NR2F1-AS1: variants seen among roughly 807,000 people sequenced by gnomAD.
The protein encoded by NR2F1-AS1 is NR2F1 antisense RNA 1.
At chr5:93,455,795 T>A (rs1749932450) in intron 4 of NR2F1-AS1, among the ~76,000 whole-genome samples, 1 of 151,470 alleles carries the variant, frequency 6.6e-6, no homozygotes, top group Non-Finnish European at 1.5e-5. Flanking sequence ...TAGTTTTAAC[T>A]TATGAAAAAA....
upstream of NR2F1-AS1, among the ~76,000 whole-genome samples, chr5:93,581,706 CT>C (rs1753046157): frequency 3.0e-5 from 2 of 66,612 alleles, no homozygotes; most frequent in Non-Finnish European, 5.8e-5. Flanking sequence ...CTCTCTCTCT[CT>C]CTCTCTCTCT....
intron 4 of NR2F1-AS1, among the ~76,000 whole-genome samples, chr5:93,545,330 T>C (rs974963018): frequency 3.9e-5 from 6 of 152,236 alleles, no homozygotes; most frequent in African/African-American, 1.4e-4. Flanking sequence ...CACCATAAAG[T>C]ACTGGTGACC....
chr5:93,412,548 C>T (rs930183122), intron 4 of NR2F1-AS1, among the ~76,000 whole-genome samples: 1 of 152,202 alleles, frequency 6.6e-6, no homozygotes, highest in Non-Finnish European at 1.5e-5. Flanking sequence ...CTCTACATTG[C>T]TTCTTCATTT....
chr5:93,512,765 A>G (rs933667375), intron 4 of NR2F1-AS1, among the ~76,000 whole-genome samples: 1 of 152,192 alleles, frequency 6.6e-6, no homozygotes, highest in Admixed American at 6.5e-5. Flanking sequence ...TGTCTACAGT[A>G]CTAAGCACAT....
intron 4 of NR2F1-AS1, among the ~76,000 whole-genome samples, chr5:93,524,188 G>A (rs371873311): frequency 4.6e-5 from 7 of 151,862 alleles, no homozygotes; most frequent in African/African-American, 1.5e-4. Flanking sequence ...CAAAAACACA[G>A]CATGAGACCT....
chr5:93,464,715 A>G (rs1194612046), intron 4 of NR2F1-AS1, among the ~76,000 whole-genome samples: 1 of 152,244 alleles, frequency 6.6e-6, no homozygotes, highest in Non-Finnish European at 1.5e-5. Context: ...GAAAACGGAA[A>G]CAAATATTCA....
intron 2 of NR2F1-AS1, among the ~76,000 whole-genome samples, chr5:93,563,071 C>T (rs1244179324): frequency 6.6e-6 from 1 of 152,162 alleles, no homozygotes; most frequent in African/African-American, 2.4e-5. Flanking sequence ...ATAGCCAATG[C>T]TGGTTTTGAA....
chr5:93,445,235 C>T (rs878964687), intron 4 of NR2F1-AS1, among the ~76,000 whole-genome samples: 3 of 152,068 alleles, frequency 2.0e-5, no homozygotes, highest in Non-Finnish European at 2.9e-5. Flanking sequence ...ACACAAAAAA[C>T]CCTTCAAAAT....
chr5:93,424,938 A>C (rs1007622600), intron 4 of NR2F1-AS1, among the ~76,000 whole-genome samples: 1 of 152,188 alleles, frequency 6.6e-6, no homozygotes. Flanking sequence ...AAGTAGGTCT[A>C]AACTCCTTAA....
intron 4 of NR2F1-AS1, among the ~76,000 whole-genome samples, chr5:93,481,322 A>G (rs1750595154): frequency 6.6e-6 from 1 of 152,090 alleles, no homozygotes; most frequent in Non-Finnish European, 1.5e-5. Flanking sequence ...ATATGATATA[A>G]CAATTATAAA....
At chr5:93,561,023 C>T (rs1380635099) in intron 2 of NR2F1-AS1, among the ~76,000 whole-genome samples, 2 of 152,182 alleles carry the variant, frequency 1.3e-5, no homozygotes, top group African/African-American at 2.4e-5. Flanking sequence ...CCTGTAATCC[C>T]AGCACTTTGG....
At chr5:93,440,335 A>C (rs1410055363) in intron 4 of NR2F1-AS1, among the ~76,000 whole-genome samples, 2 of 152,220 alleles carry the variant, frequency 1.3e-5, no homozygotes, top group African/African-American at 4.8e-5. Context: ...ATATTTCTAG[A>C]TGAGATTAAC....
chr5:93,516,271 C>T (rs1751399937), intron 4 of NR2F1-AS1, among the ~76,000 whole-genome samples: 1 of 151,742 alleles, frequency 6.6e-6, no homozygotes, highest in African/African-American at 2.4e-5. Flanking sequence ...AATATAAGGA[C>T]AAACATGACC....
Position 93,579,500 on chromosome 5 carries a change from G to T in NR2F1-AS1, n.313+967C>A, listed in dbSNP as rs1478624867. 6.6e-6 allele frequency among the ~76,000 whole-genome samples: 1 copy of T among 152,174 alleles called. No homozygotes were observed. The highest frequency in any genetic ancestry group is 1.9e-4 in the East Asian group (1 of 5,162). ...GGTGGGCGCCTCTGCTCCCGGGCAG[G>T]CTCAGCTGTCATCCCGTCTCGCCTT... On this transcript the variant is annotated intron_variant and non_coding_transcript_variant, in intron 1 of 5. Transcript: ENST00000660523. This position sits in a 1 kb window ranked among gnomAD's most constrained non-coding sequence, Gnocchi z 5.1.
At chr5:93,534,676 A>G (rs1339269876) in intron 4 of NR2F1-AS1, among the ~76,000 whole-genome samples, 2 of 152,226 alleles carry the variant, frequency 1.3e-5, no homozygotes, top group African/African-American at 4.8e-5. Context: ...CGGAAGGCCT[A>G]TACCCAAAGG....
intron 4 of NR2F1-AS1, among the ~76,000 whole-genome samples, chr5:93,450,176 A>G (rs1050463846): frequency 3.9e-5 from 6 of 152,186 alleles, no homozygotes; most frequent in Non-Finnish European, 7.4e-5. Context: ...GAATGTTTTA[A>G]TATCTGAATT....
At chr5:93,490,493 G>A (rs1750813228) in intron 4 of NR2F1-AS1, among the ~76,000 whole-genome samples, 2 of 151,198 alleles carry the variant, frequency 1.3e-5, no homozygotes, top group African/African-American at 4.9e-5. Flanking sequence ...GGCAGTGGTG[G>A]TGGTCTTGGT....
At chr5:93,530,104 G>A (rs971274095) in intron 4 of NR2F1-AS1, among the ~76,000 whole-genome samples, 7 of 126,328 alleles carry the variant, frequency 5.5e-5, no homozygotes, top group African/African-American at 1.9e-4. Flanking sequence ...TTTTTGAGAC[G>A]GAGTCTTGCT....
intron 4 of NR2F1-AS1, among the ~76,000 whole-genome samples, chr5:93,433,763 C>A (rs989617690): frequency 6.6e-6 from 1 of 152,102 alleles, no homozygotes; most frequent in Non-Finnish European, 1.5e-5. Flanking sequence ...TCACTATGAC[C>A]TTGTCATTTA....
Sources: allele counts gnomAD v4.1 joint callset (sites outside exome capture counted in the v4.1 genomes callset), GRCh38; gene constraint gnomAD v4.1.1; non-coding constraint Gnocchi (gnomAD v3.1); transcripts MANE v1.5; gene names NCBI Gene and HGNC (gene_info 2026-07-23, HGNC 2026-07-21).